Variants in TUT4 observed in about 807,000 individuals in gnomAD.
TUT4 encodes the protein terminal uridylyltransferase 4.
A neutral mutation model predicts 192.2 loss-of-function variants in TUT4; 36 were observed. The observed-to-expected ratio is 0.19, with a 90% CI of 0.14 to 0.25. TUT4 has a LOEUF of 0.25. Ranked by LOEUF, TUT4 falls within the 10% of genes least tolerant of loss-of-function variation. The probability of loss-of-function intolerance (pLI) is 1.00; values close to 1 mark genes in which losing one functional copy is unlikely to be tolerated. For missense variants in TUT4, 1,493 were observed against 1,957.2 expected, an observed-to-expected ratio of 0.76 and a Z score of 4.47; for synonymous variants, 618 against 666.0, an observed-to-expected ratio of 0.93 and a Z score of 1.11.
intron 3 of TUT4, among the ~76,000 whole-genome samples, chr1:52,512,560 C>T (rs1571147598): frequency 1.3e-5 from 2 of 152,188 alleles, no homozygotes; most frequent in East Asian, 3.9e-4. Flanking sequence ...ACATATTGGG[C>T]ACAACATCAA....
intron 23 of TUT4, 22 bp downstream of exon 23, chr1:52,445,935 A>G: frequency 6.2e-7 from 1 of 1,605,334 alleles, no homozygotes; most frequent in Non-Finnish European, 8.5e-7. Context: ...AAAATCAGAG[A>G]ATCTCTATAT....
chr1:52,430,026 G>GT (rs538665515), intron 28 of TUT4, among the ~76,000 whole-genome samples: 244 of 149,904 alleles, frequency 1.6e-3, no homozygotes, highest in South Asian at 6.3e-3. Context: ...TAAATATGCA[G>GT]TTTTTTTTTA....
chr1:52,423,519 A>C lies in TUT4; in HGVS notation c.*416T>G, dbSNP rs569953109. On this transcript the variant is annotated 3_prime_UTR_variant, in exon 30 of 30. Transcript: ENST00000257177. ...TGAAATTCTTTCCTAACTTTTAAGA[A>C]CAATATATAAAGTCTGAAGCAACCA... The C allele has an allele frequency of 7.6e-5, 15 of 196,916 alleles. No individual in the cohort carries two copies. The highest frequency in any genetic ancestry group is 2.2e-4 in the Admixed American group (4 of 17,816). 12.2% of individuals were successfully genotyped at this position (196,916 alleles called of 1,614,324 possible).
At chr1:52,516,471 C>T (rs547953552) in intron 2 of TUT4, among the ~76,000 whole-genome samples, 18 of 152,328 alleles carry the variant, frequency 1.2e-4, no homozygotes, top group African/African-American at 4.3e-4. Context: ...CATATGTATA[C>T]TCCAGACCAC....
intron 13 of TUT4, among the ~76,000 whole-genome samples, chr1:52,472,856 A>C (rs1461435008): frequency 2.0e-5 from 3 of 152,100 alleles, no homozygotes; most frequent in African/African-American, 7.2e-5. Context: ...ATATGCCTAC[A>C]TCCTAAAGTG....
intron 4 of TUT4, among the ~76,000 whole-genome samples, chr1:52,505,792 TTC>T (rs1448626550): frequency 6.6e-6 from 1 of 152,088 alleles, no homozygotes; most frequent in Non-Finnish European, 1.5e-5. Flanking sequence ...TCACATAGTT[TTC>T]TCTGTTTGCT....
chr1:52,537,089 G>A (rs1327397175), intron 1 of TUT4, among the ~76,000 whole-genome samples: 1 of 152,096 alleles, frequency 6.6e-6, no homozygotes, highest in East Asian at 1.9e-4. Context: ...GAACCCAGGA[G>A]GCGGAGGTTG....
At chr1:52,501,009 G>GA (rs1344026849) in intron 4 of TUT4, among the ~76,000 whole-genome samples, 5 of 151,976 alleles carry the variant, frequency 3.3e-5, no homozygotes, top group African/African-American at 9.7e-5. Context: ...AGAACTCCTA[G>GA]AAAAAAACAG....
chr1:52,539,239 G>T (rs1336086092), intron 1 of TUT4, among the ~76,000 whole-genome samples: 1 of 152,190 alleles, frequency 6.6e-6, no homozygotes, highest in Non-Finnish European at 1.5e-5. Flanking sequence ...ATCAAGGAAA[G>T]TAGAGTTGAA....
At chr1:52,516,389 A>T (rs886796491) in intron 2 of TUT4, among the ~76,000 whole-genome samples, 1 of 152,198 alleles carries the variant, frequency 6.6e-6, no homozygotes, top group Non-Finnish European at 1.5e-5. Flanking sequence ...AGTCAATCTG[A>T]TAAAAAAACT....
chr1:52,517,934 T>C (rs1201641928), intron 2 of TUT4, among the ~76,000 whole-genome samples: 1 of 152,182 alleles, frequency 6.6e-6, no homozygotes, highest in Non-Finnish European at 1.5e-5. Context: ...AAAAGTATCG[T>C]TTCTGCTAAC....
chr1:52,526,648 T>G (rs1681842677), intron 1 of TUT4, among the ~76,000 whole-genome samples: 1 of 152,184 alleles, frequency 6.6e-6, no homozygotes, highest in Admixed American at 6.5e-5. Flanking sequence ...CATATTTCTT[T>G]AAGAATTTCA....
In TUT4 at chr1:52,475,428, G is replaced by A; in HGVS notation, c.2131C>T (p.Gln711Ter). 6.2e-7 allele frequency: 1 copy of A among 1,614,024 alleles called. No individual in the cohort carries two copies. The highest frequency in any genetic ancestry group is 8.5e-7 in the Non-Finnish European group (1 of 1,180,034). Residue 711 changes from glutamine to a stop codon, truncating the protein, a stop_gained, in exon 13 of 30, where the codon CAG (glutamine) becomes TAG (stop). Transcript: ENST00000257177. LOFTEE classifies it high-confidence loss of function. ...RAAYRYFACP[Q>*]TKGGNKSTVD... Reference sequence around the variant, plus strand: ...GTAGACTTATTTCCACCCTTCGTCTGAGGACAGGCAAAATACCGATAAGCT... The same window carrying A: ...GTAGACTTATTTCCACCCTTCGTCTAAGGACAGGCAAAATACCGATAAGCT...
intron 1 of TUT4, chr1:52,538,715 T>C (rs914202024): frequency 6.9e-5 from 10 of 144,610 alleles, no homozygotes; most frequent in African/African-American, 2.0e-4. Context: ...AAAACATGAA[T>C]GATCAAAGAA....
intron 28 of TUT4, 142 bp from the exon 29 acceptor site, chr1:52,425,649 T>A: frequency 9.7e-7 from 1 of 1,029,812 alleles, no homozygotes; most frequent in Non-Finnish European, 1.4e-6. Context: ...ACAAACTTTT[T>A]TAAAGAATAA....
At chr1:52,466,817 G>C (rs776053041) in intron 15 of TUT4, among the ~76,000 whole-genome samples, 4 of 151,584 alleles carry the variant, frequency 2.6e-5, no homozygotes, top group Non-Finnish European at 5.9e-5. Context: ...ACAGGCGTGT[G>C]CCACCACACC....
At chr1:52,437,135 T>A in intron 25 of TUT4, 157 bp from the exon 26 acceptor site, 1 of 1,001,606 alleles carries the variant, frequency 1.0e-6, no homozygotes, top group Non-Finnish European at 1.4e-6. Context: ...ACCTGCTCAT[T>A]TGGCAGGAAC....
intron 15 of TUT4, among the ~76,000 whole-genome samples, chr1:52,466,519 T>C (rs1570607801): frequency 6.6e-6 from 1 of 150,776 alleles, no homozygotes; most frequent in East Asian, 2.0e-4. Flanking sequence ...GCACCTGTGG[T>C]CCCAGCTACT....
intron 28 of TUT4, among the ~76,000 whole-genome samples, chr1:52,425,745 G>A (rs901273467): frequency 6.6e-5 from 10 of 151,334 alleles, no homozygotes; most frequent in African/African-American, 2.2e-4. Context: ...ATTGCTAGTA[G>A]AACAGGCAAA....
Sources: allele counts gnomAD v4.1 joint callset (sites outside exome capture counted in the v4.1 genomes callset), GRCh38; gene constraint gnomAD v4.1.1; transcripts MANE v1.5; gene names NCBI Gene and HGNC (gene_info 2026-07-23, HGNC 2026-07-21).